The following ZCCHC14 variants were observed in gnomAD, a reference collection of about 807,000 sequenced individuals.
ZCCHC14 encodes zinc finger CCHC domain-containing protein 14.
A neutral mutation model predicts 85.0 loss-of-function variants in ZCCHC14; 16 were observed. That is an observed-to-expected ratio of 0.19 (90% CI 0.13 to 0.29). The LOEUF is 0.29. Among genes scored for constraint, ZCCHC14 ranks in the 10% least tolerant of loss-of-function variants. The pLI is 1.00. For synonymous variants in ZCCHC14, 775 were observed against 630.7 expected (o/e 1.23, Z -3.43); for missense variants, 1,303 against 1,443.5 (o/e 0.90, Z 1.58).
rs112080735 is a variant in ZCCHC14, at chr16:87,468,535, G to A, written c.571-8404C>T. Among the ~76,000 whole-genome samples, 1,084 of 151,586 alleles carry A rather than the reference G, an allele frequency of 7.2e-3. 12 individuals are homozygous for A. The highest frequency in any genetic ancestry group is 0.011 in the Non-Finnish European group (763 of 67,998). ...GACTACAGGAGGCGCATGCCACCATGCCAGGCTTAACCTACAAACAGTTCC... is the reference window on the plus strand; with the variant it reads ...GACTACAGGAGGCGCATGCCACCATACCAGGCTTAACCTACAAACAGTTCC... On this transcript the variant is annotated intron_variant, in intron 1 of 12. Transcript: ENST00000671377.
intron 12 of ZCCHC14, 91 bp downstream of exon 12, chr16:87,411,425 A>G: frequency 1.3e-6 from 2 of 1,545,026 alleles, no homozygotes; most frequent in Non-Finnish European, 8.7e-7. Flanking sequence ...TTTGCTTTAC[A>G]AAGAAAGAAG....
intron 9 of ZCCHC14, 78 bp downstream of exon 9, chr16:87,415,198 C>T (rs1908720774): frequency 4.1e-6 from 5 of 1,232,824 alleles, no homozygotes; most frequent in Non-Finnish European, 4.8e-6. Flanking sequence ...TAGTATTTAG[C>T]ACTGGAAGCC....
At chr16:87,446,277 A>G (rs1410747172) in intron 2 of ZCCHC14, among the ~76,000 whole-genome samples, 1 of 152,184 alleles carries the variant, frequency 6.6e-6, no homozygotes, top group Non-Finnish European at 1.5e-5. Flanking sequence ...TGAGGTCAGA[A>G]ATTTGAGACC....
chr16:87,437,783 A>G (rs1013316347), intron 2 of ZCCHC14, among the ~76,000 whole-genome samples: 1 of 152,206 alleles, frequency 6.6e-6, no homozygotes, highest in African/African-American at 2.4e-5. Flanking sequence ...GTATATTCAC[A>G]TCGACTATCA....
At position 87,492,262 on chromosome 16, in the gene ZCCHC14, A is replaced by C. The variant is rs1182712908; in HGVS notation, c.-24T>G. The C allele has an allele frequency of 4.1e-6, 4 of 976,904 alleles. No individual in the cohort carries two copies. The highest frequency in any genetic ancestry group is 6.4e-5 in the Admixed American group (1 of 15,628). The allele number at this position is 976,904 out of a possible 1,614,324, so 60.5% of individuals were successfully genotyped here. On this transcript the variant is annotated 5_prime_UTR_variant, in exon 1 of 13. Coordinates refer to ENST00000671377, the MANE Select transcript of ZCCHC14 (RefSeq NM_015144.3). This position sits in a 1 kb window ranked among gnomAD's most constrained non-coding sequence, Gnocchi z 6.7. ...ATGCTGCCGCCCGCGCCGCGCCGCG[A>C]CCCGGGGCCGGGGACCGCGCGGGGG...
At chr16:87,455,011 G>A (rs761783802) in intron 2 of ZCCHC14, among the ~76,000 whole-genome samples, 5 of 152,354 alleles carry the variant, frequency 3.3e-5, no homozygotes, top group African/African-American at 9.6e-5. Flanking sequence ...CCTGGAGGCC[G>A]AGCGCCGTGG....
intron 3 of ZCCHC14, 108 bp from the exon 4 acceptor site, chr16:87,423,989 A>G (rs1218985968): frequency 1.7e-6 from 2 of 1,181,004 alleles, no homozygotes; most frequent in South Asian, 2.7e-5. Flanking sequence ...AGCTGAGCCC[A>G]GTGGGCCGTG....
At chr16:87,484,528 TG>T (rs1256032580) in intron 1 of ZCCHC14, among the ~76,000 whole-genome samples, 1 of 152,252 alleles carries the variant, frequency 6.6e-6, no homozygotes, top group Admixed American at 6.5e-5. Context: ...ACAGCATGTA[TG>T]TAAGATCCTA....
In ZCCHC14 at chr16:87,412,792, G is replaced by A. The variant is rs917097545; in HGVS notation, c.1929C>T (p.Pro643=). The A allele has an allele frequency of 1.9e-6, 3 of 1,613,334 alleles. No homozygotes were observed. In the African/African-American group the frequency reaches 4.0e-5, roughly 22 times the overall value. ...QMLSAASHIT[P]IRMLNSVHKP... ...TGTGCACGGAATTCAGCATGCGGAT[G>A]GGTGTGATGTGTGAGGCTGCGCTCA... The change falls in exon 12 of 13, where the codon CCC becomes CCT. Residue 643 remains proline, a synonymous_variant. Transcript: ENST00000671377.
chr16:87,485,737 G>A (rs1346014501), intron 1 of ZCCHC14, among the ~76,000 whole-genome samples: 3 of 152,154 alleles, frequency 2.0e-5, no homozygotes, highest in Non-Finnish European at 2.9e-5. Flanking sequence ...ATGCCCCAGC[G>A]CGAGTACCTC....
chr16:87,417,568 G>T lies in ZCCHC14; in HGVS notation c.1275C>A (p.Ser425=). ...CCTGGGTCTGAGGGGTCTGCAGACT[G>T]GAAGGCATGAGGATGGCAGGTGATG... ...MDTSPAILMP[S]SLQTPQTQEQ... Residue 425 remains serine, a synonymous_variant, in exon 8 of 13, where the codon TCC becomes TCA. Transcript: ENST00000671377. The T allele has an allele frequency of 6.2e-7, 1 of 1,614,276 alleles. No individual in the cohort carries two copies. The highest frequency in any genetic ancestry group is 8.5e-7 in the Non-Finnish European group (1 of 1,180,046).
rs1482969761 is a variant in ZCCHC14, at chr16:87,491,346, A to C, written c.570+323T>G. Among the ~76,000 whole-genome samples, 2 of 152,150 alleles carry C rather than the reference A, an allele frequency of 1.3e-5. No homozygotes were observed. Among genetic ancestry groups the C allele is most frequent in the Non-Finnish European group, 2.9e-5 (2 of 68,018 alleles). On this transcript the variant is annotated intron_variant, in intron 1 of 12. Transcript: ENST00000671377. The surrounding 1 kb of genome is among the most constrained non-coding windows in gnomAD (Gnocchi z 5.9). ...GCCGCGGTGCGGTCTTGGGGCTTAA[A>C]GTGCAGACTTAGGGTGAGGAGTGCG... is the stretch of plus-strand genomic sequence containing the variant.
chr16:87,490,996 T>C (rs1009775056), intron 1 of ZCCHC14, among the ~76,000 whole-genome samples: 8 of 152,256 alleles, frequency 5.3e-5, no homozygotes, highest in African/African-American at 1.9e-4. Context: ...CCTTGCAATG[T>C]TCACCTCACC....
intron 2 of ZCCHC14, among the ~76,000 whole-genome samples, chr16:87,442,703 C>T (rs73240874): frequency 0.15 from 22,927 of 152,138 alleles, 1,745 homozygotes; most frequent in East Asian, 0.24. Flanking sequence ...AAATCAACAC[C>T]CACACACGTC....
chr16:87,427,388 A>T (rs1189476250), intron 3 of ZCCHC14, among the ~76,000 whole-genome samples: 7 of 152,206 alleles, frequency 4.6e-5, no homozygotes, highest in Non-Finnish European at 7.4e-5. Context: ...TACTCGGAGC[A>T]GTCAGTGTTG....
intron 1 of ZCCHC14, among the ~76,000 whole-genome samples, chr16:87,463,322 C>G (rs989685067): frequency 6.6e-6 from 1 of 151,408 alleles, no homozygotes; most frequent in Admixed American, 6.6e-5. Context: ...TTTGAAGCTG[C>G]AGTGAGGTAT....
intron 10 of ZCCHC14, among the ~76,000 whole-genome samples, chr16:87,413,435 G>C (rs766020205): frequency 7.2e-5 from 11 of 152,126 alleles, no homozygotes; most frequent in Non-Finnish European, 1.6e-4. Context: ...ATCAACCCCA[G>C]AACAATGCCC....
intron 12 of ZCCHC14, 91 bp downstream of exon 12, chr16:87,411,425 A>C: frequency 6.5e-7 from 1 of 1,545,026 alleles, no homozygotes; most frequent in East Asian, 2.3e-5. Flanking sequence ...TTTGCTTTAC[A>C]AAGAAAGAAG....
chr16:87,473,713 T>TCAAGTGG (rs1381350002), intron 1 of ZCCHC14: 1 of 152,072 alleles, frequency 6.6e-6, no homozygotes, highest in Admixed American at 6.5e-5. Context: ...GTGAGCACGT[T>TCAAGTGG]CAAGTGGCTG....
Sources: allele counts gnomAD v4.1 joint callset (sites outside exome capture counted in the v4.1 genomes callset), GRCh38; gene constraint gnomAD v4.1.1; non-coding constraint Gnocchi (gnomAD v3.1); transcripts MANE v1.5; gene names NCBI Gene and HGNC (gene_info 2026-07-23, HGNC 2026-07-21).